The following AOPEP variants were observed in gnomAD, a reference collection of about 807,000 sequenced individuals.
AOPEP encodes aminopeptidase O.
AOPEP carries 77 observed loss-of-function variants against 98.1 expected under a neutral mutation model. The observed-to-expected ratio is 0.78, with a 90% CI of 0.65 to 0.95. The LOEUF is 0.95. AOPEP is among the 40% of genes least tolerant of loss of function. The probability of loss-of-function intolerance (pLI) is 0.00; values close to 1 mark genes in which losing one functional copy is unlikely to be tolerated. For synonymous variants in AOPEP, 346 were observed against 365.3 expected (o/e 0.95, Z 0.60); for missense variants, 1,024 against 1,024.7 (o/e 1.00, Z 0.01).
intron 12 of AOPEP, 142 bp downstream of exon 12, chr9:95,005,362 G>A: frequency 1.3e-6 from 1 of 759,980 alleles, no homozygotes; most frequent in Non-Finnish European, 1.9e-6. Flanking sequence ...GAGCGGCCGT[G>A]ACGAAGGTCG....
At chr9:94,884,695 G>C (rs932070300) in intron 5 of AOPEP, among the ~76,000 whole-genome samples, 1 of 152,160 alleles carries the variant, frequency 6.6e-6, no homozygotes, top group East Asian at 1.9e-4. Flanking sequence ...AAGATGAAGC[G>C]AGTAAATGCA....
intron 5 of AOPEP, among the ~76,000 whole-genome samples, chr9:94,811,257 A>G (rs1210539059): frequency 1.3e-5 from 2 of 152,152 alleles, no homozygotes; most frequent in Non-Finnish European, 2.9e-5. Flanking sequence ...CTTGTCAAGT[A>G]CCAATGTGTG....
intron 5 of AOPEP, among the ~76,000 whole-genome samples, chr9:94,877,729 G>A (rs1301718966): frequency 6.6e-6 from 1 of 152,030 alleles, no homozygotes; most frequent in Non-Finnish European, 1.5e-5. Context: ...CCTCCTACTG[G>A]ATTTAATCTG....
At chr9:94,981,096 A>C (rs1489372820) in intron 11 of AOPEP, among the ~76,000 whole-genome samples, 1 of 151,988 alleles carries the variant, frequency 6.6e-6, no homozygotes, top group Non-Finnish European at 1.5e-5. Flanking sequence ...AAAGAAAGAG[A>C]CCTTAATCCA....
chr9:94,816,764 G>A (rs577468369), intron 5 of AOPEP, among the ~76,000 whole-genome samples: 1 of 152,252 alleles, frequency 6.6e-6, no homozygotes, highest in Admixed American at 6.5e-5. Flanking sequence ...GGAAGGCTAT[G>A]AGAGGTATAT....
At chr9:94,748,407 G>A (rs1834996886) in intron 1 of AOPEP, among the ~76,000 whole-genome samples, 1 of 151,968 alleles carries the variant, frequency 6.6e-6, no homozygotes, top group African/African-American at 2.4e-5. Flanking sequence ...CACCAAATTT[G>A]GAAAATTTTA....
chr9:95,069,075 T>C (rs553207985), intron 14 of AOPEP, among the ~76,000 whole-genome samples: 1 of 152,336 alleles, frequency 6.6e-6, no homozygotes, highest in East Asian at 1.9e-4. Context: ...TTACTGGATT[T>C]TTCTTAAACT....
chr9:95,112,337 G>A, the AOPEP span, among the ~76,000 whole-genome samples: 1 of 152,210 alleles, frequency 6.6e-6, no homozygotes, highest in Admixed American at 6.5e-5. Flanking sequence ...GACTGGGGCA[G>A]TGGCTGGAAC....
downstream of AOPEP, among the ~76,000 whole-genome samples, chr9:95,088,428 C>T (rs977157585): frequency 1.3e-5 from 2 of 152,244 alleles, no homozygotes; most frequent in South Asian, 2.1e-4. Flanking sequence ...AGGCTGGTCT[C>T]GAACTCCCGA....
chr9:95,101,710 G>A, the AOPEP span: 2 of 1,613,938 alleles, frequency 1.2e-6, no homozygotes, highest in East Asian at 4.5e-5. Flanking sequence ...GTGCCTTCTA[G>A]ACTTGAGTTC....
intron 5 of AOPEP, among the ~76,000 whole-genome samples, chr9:94,879,717 T>G (rs2047351013): frequency 6.6e-6 from 1 of 152,258 alleles, no homozygotes; most frequent in Non-Finnish European, 1.5e-5. Context: ...TTGTAAATGT[T>G]CAAATGGTCC....
chr9:95,008,691 G>A (rs2062237396), intron 13 of AOPEP, among the ~76,000 whole-genome samples: 1 of 152,172 alleles, frequency 6.6e-6, no homozygotes, highest in South Asian at 2.1e-4. Flanking sequence ...TGCTCTGCCG[G>A]CCTTTCCCCG....
chr9:94,744,201 G>A (rs1833913151), intron 1 of AOPEP, among the ~76,000 whole-genome samples: 1 of 151,486 alleles, frequency 6.6e-6, no homozygotes, highest in African/African-American at 2.4e-5. Flanking sequence ...GACCATCCTG[G>A]CTCACACAAT....
chr9:94,772,648 A>T (rs1841150512), intron 2 of AOPEP, among the ~76,000 whole-genome samples: 1 of 152,234 alleles, frequency 6.6e-6, no homozygotes, highest in Admixed American at 6.5e-5. Context: ...AAAGATTTGT[A>T]AGAATGTCTC....
At chr9:94,943,578 AGT>A (rs375634549) in intron 7 of AOPEP, among the ~76,000 whole-genome samples, 210 of 150,506 alleles carry the variant, frequency 1.4e-3, no homozygotes, top group African/African-American at 4.9e-3. Context: ...TAGGCGACAG[AGT>A]GGGACTCCAT....
the AOPEP span, among the ~76,000 whole-genome samples, chr9:95,117,949 C>G: frequency 2.0e-5 from 3 of 151,398 alleles, no homozygotes; most frequent in Middle Eastern, 0.01. Flanking sequence ...CTCGAACTCC[C>G]GACCTCAGGT....
intron 13 of AOPEP, among the ~76,000 whole-genome samples, chr9:95,029,626 TTTG>T (rs534670417): frequency 6.6e-6 from 1 of 152,164 alleles, no homozygotes; most frequent in Non-Finnish European, 1.5e-5. Flanking sequence ...TTTTCCAGTA[TTTG>T]TTGTCCTTCT....
At chr9:94,962,387 G>A (rs1399725522) in intron 9 of AOPEP, among the ~76,000 whole-genome samples, 1 of 152,154 alleles carries the variant, frequency 6.6e-6, no homozygotes, top group Non-Finnish European at 1.5e-5. Context: ...GTGAGAATTT[G>A]CCGGGTTTGT....
chr9:94,763,126 G>A (rs1286094939), intron 2 of AOPEP: 1 of 460,820 alleles, frequency 2.2e-6, no homozygotes, highest in East Asian at 7.1e-5. Flanking sequence ...TCATTTTACA[G>A]GTAAGAAAAT....
Sources: gnomAD v4.1 joint callset for allele counts (sites outside exome capture counted in the v4.1 genomes callset) on GRCh38, gnomAD v4.1.1 for gene constraint, MANE v1.5 for transcripts, NCBI Gene and HGNC (gene_info 2026-07-23, HGNC 2026-07-21) for gene names.